The following CLASP1 variants were observed in gnomAD, a reference collection of about 807,000 sequenced individuals.
CLASP1 encodes the protein CLIP-associating protein 1.
Under a neutral mutation model 192.3 loss-of-function variants are expected in CLASP1, and 38 were observed. That is an observed-to-expected ratio of 0.20 (90% CI 0.15 to 0.26). The LOEUF (loss-of-function observed/expected upper bound fraction) is 0.26, where lower values mean the gene tolerates loss of function less well. Ranked by LOEUF, CLASP1 falls within the 10% of genes least tolerant of loss-of-function variation. The pLI is 1.00. For missense variants in CLASP1, 1,433 were observed against 1,932.5 expected (o/e 0.74, Z 4.85); for synonymous variants, 691 against 712.8 (o/e 0.97, Z 0.49).
intron 2 of CLASP1, among the ~76,000 whole-genome samples, chr2:121,597,133 A>G (rs1002407346): frequency 2.0e-5 from 3 of 152,196 alleles, no homozygotes; most frequent in African/African-American, 7.2e-5. Context: ...GTTGTTGCAT[A>G]AGGACTTGAG....
At position 121,448,876 on chromosome 2, in the gene CLASP1, T is replaced by C. The variant is rs1464394531; in HGVS notation, c.1691+77A>G. 11 of 1,444,786 alleles carry C rather than the reference T, an allele frequency of 7.6e-6. No individual in the cohort carries two copies. The Middle Eastern group carries it at 6.4e-4, about 84-fold the overall frequency. 89.5% of individuals were successfully genotyped at this position (1,444,786 alleles called of 1,614,324 possible). A position where few individuals can be genotyped will look rare whatever the true frequency, so the allele number is the denominator to read the frequency against. ...ACAAGCACCCATGTAAAAACATAGC[T>C]AGAATTTGTGTTTTCATGTGACAAA... On this transcript the variant is annotated intron_variant, in intron 17 of 39. Transcript: ENST00000263710.
At chr2:121,407,936 T>A in intron 24 of CLASP1, 2 of 669,908 alleles carry the variant, frequency 3.0e-6, no homozygotes, top group Non-Finnish European at 5.5e-6. Flanking sequence ...GGAAAGAGTA[T>A]GGCCTCTAGT....
At chr2:121,450,474 G>C (rs1165643555) in intron 16 of CLASP1, among the ~76,000 whole-genome samples, 1 of 152,180 alleles carries the variant, frequency 6.6e-6, no homozygotes, top group Non-Finnish European at 1.5e-5. Context: ...CCAGGCATTA[G>C]TCGATCCAAC....
At chr2:121,521,681 G>A (rs777259923) in intron 6 of CLASP1, among the ~76,000 whole-genome samples, 10 of 152,158 alleles carry the variant, frequency 6.6e-5, no homozygotes, top group South Asian at 2.1e-4. Context: ...CCAAGGAAAC[G>A]AACACTTGCC....
At chr2:121,424,423 A>T (rs1293111606) in intron 22 of CLASP1, among the ~76,000 whole-genome samples, 2 of 152,204 alleles carry the variant, frequency 1.3e-5, no homozygotes, top group African/African-American at 4.8e-5. Context: ...AATACATTTT[A>T]CCCTTAGGAA....
chr2:121,429,009 G>A (rs558852797), intron 20 of CLASP1, among the ~76,000 whole-genome samples: 1 of 152,256 alleles, frequency 6.6e-6, no homozygotes, highest in South Asian at 2.1e-4. Context: ...ACCCATGCTT[G>A]TAGTGTATCA....
intron 8 of CLASP1, among the ~76,000 whole-genome samples, chr2:121,492,742 T>A (rs142134420): frequency 8.2e-4 from 124 of 150,666 alleles, no homozygotes; most frequent in African/African-American, 2.9e-3. Context: ...GAATATAAAA[T>A]GGTGCAGCCA....
chr2:121,635,755 A>T (rs905513823), intron 1 of CLASP1, among the ~76,000 whole-genome samples: 4 of 152,382 alleles, frequency 2.6e-5, no homozygotes, highest in African/African-American at 9.6e-5. Context: ...TTAGAAAAGT[A>T]ATACATACTC....
chr2:121,431,133 ACAGAGAAGTAATG>A, intron 19 of CLASP1, among the ~76,000 whole-genome samples: 1 of 152,348 alleles, frequency 6.6e-6, no homozygotes, highest in East Asian at 1.9e-4. Flanking sequence ...GACAAAGCTT[ACAGAGAAGTAATG>A]CAGGAAGCAA....
At chr2:121,476,798 G>T (rs1417249725) in intron 8 of CLASP1, among the ~76,000 whole-genome samples, 1 of 152,122 alleles carries the variant, frequency 6.6e-6, no homozygotes, top group African/African-American at 2.4e-5. Context: ...CTCCTCCAAG[G>T]GAGTAAGAAA....
intron 34 of CLASP1, among the ~76,000 whole-genome samples, chr2:121,374,404 A>T (rs186595013): frequency 1.3e-5 from 2 of 152,262 alleles, no homozygotes; most frequent in Non-Finnish European, 2.9e-5. Flanking sequence ...GAGAACCTCT[A>T]CTAGGGGAGA....
chr2:121,557,811 G>A (rs2058711721), intron 2 of CLASP1, among the ~76,000 whole-genome samples: 1 of 151,508 alleles, frequency 6.6e-6, no homozygotes, highest in South Asian at 2.1e-4. Context: ...GGCTGGGCAC[G>A]GTGGCTCATG....
intron 2 of CLASP1, among the ~76,000 whole-genome samples, chr2:121,589,368 G>T (rs555103959): frequency 6.6e-6 from 1 of 152,126 alleles, no homozygotes; most frequent in Non-Finnish European, 1.5e-5. Flanking sequence ...GGTGGCTCAC[G>T]CCTGTTATCC....
At chr2:121,579,309 C>G (rs1193455660) in intron 2 of CLASP1, among the ~76,000 whole-genome samples, 1 of 152,218 alleles carries the variant, frequency 6.6e-6, no homozygotes, top group East Asian at 1.9e-4. Flanking sequence ...TTCCCCTCTT[C>G]TAGCTCACTT....
At chr2:121,474,494 T>C (rs961851965) in intron 8 of CLASP1, among the ~76,000 whole-genome samples, 2 of 152,126 alleles carry the variant, frequency 1.3e-5, no homozygotes, top group Non-Finnish European at 2.9e-5. Context: ...CCCAGCACTT[T>C]GGGCGGCCGA....
intron 9 of CLASP1, among the ~76,000 whole-genome samples, chr2:121,468,198 AT>A (rs1485523170): frequency 8.5e-5 from 13 of 152,156 alleles, no homozygotes; most frequent in African/African-American, 2.9e-4. Flanking sequence ...GGGTAGCCTT[AT>A]AGTATAAAGT....
intron 2 of CLASP1, among the ~76,000 whole-genome samples, chr2:121,553,606 C>T (rs1460304075): frequency 1.3e-5 from 2 of 152,146 alleles, no homozygotes; most frequent in East Asian, 3.9e-4. Flanking sequence ...TTGGCTGAGG[C>T]AGGGAAATCG....
chr2:121,646,663 T>A (rs1377609997), intron 1 of CLASP1, among the ~76,000 whole-genome samples: 1 of 152,160 alleles, frequency 6.6e-6, no homozygotes, highest in African/African-American at 2.4e-5. Context: ...AATTTAAGTC[T>A]CAGGCCCAAG....
intron 19 of CLASP1, 34 bp downstream of exon 19, chr2:121,447,303 T>TG: frequency 6.4e-7 from 1 of 1,560,786 alleles, no homozygotes; most frequent in Non-Finnish European, 8.7e-7. Context: ...TGCAGAGCAG[T>TG]GCAGGAGGGA....
Sources: allele counts gnomAD v4.1 joint callset (sites outside exome capture counted in the v4.1 genomes callset), GRCh38; gene constraint gnomAD v4.1.1; transcripts MANE v1.5; gene names NCBI Gene and HGNC (gene_info 2026-07-23, HGNC 2026-07-21).